LOC400499: variants seen among roughly 807,000 people sequenced by gnomAD.
chr16:11,383,838 G>A, the LOC400499 span: 2 of 1,232,154 alleles, frequency 1.6e-6, no homozygotes, highest in Non-Finnish European at 2.0e-6. Context: ...ACCTAAGCTT[G>A]ATGAGACAAA....
the LOC400499 span, chr16:11,462,362 C>A: frequency 7.1e-6 from 10 of 1,410,098 alleles, 1 homozygote; most frequent in Middle Eastern, 7.7e-4. Flanking sequence ...CCAGCCCTTA[C>A]CACACGAACT....
chr16:11,401,100 G>T, the LOC400499 span, among the ~76,000 whole-genome samples: 1 of 152,242 alleles, frequency 6.6e-6, no homozygotes. Flanking sequence ...ATTGAATGAA[G>T]GATCCCAGAG....
chr16:11,505,978 A>G, the LOC400499 span, among the ~76,000 whole-genome samples: 16 of 152,224 alleles, frequency 1.1e-4, no homozygotes, highest in African/African-American at 3.9e-4. Context: ...GATTTCTTCT[A>G]CTGAAGTGTA....
chr16:11,411,399 G>A, the LOC400499 span: 5 of 398,986 alleles, frequency 1.3e-5, no homozygotes, highest in Admixed American at 8.8e-5. Flanking sequence ...GGGCCATGTC[G>A]AGACCAAGGG....
At chr16:11,460,669 C>A in the LOC400499 span, 3 of 1,472,130 alleles carry the variant, frequency 2.0e-6, no homozygotes, top group East Asian at 2.5e-5. Context: ...TCCACCAGGG[C>A]TCCAAGAGAA....
At chr16:11,396,156 C>G in the LOC400499 span, among the ~76,000 whole-genome samples, 4 of 152,210 alleles carry the variant, frequency 2.6e-5, no homozygotes, top group Admixed American at 6.5e-5. Context: ...GAGATAGGGC[C>G]AGTACAATTA....
the LOC400499 span, among the ~76,000 whole-genome samples, chr16:11,468,762 G>A: frequency 4.5e-4 from 68 of 152,144 alleles, no homozygotes; most frequent in African/African-American, 1.5e-3. Context: ...CAGGTAGCTC[G>A]GATTACAGGC....
At chr16:11,507,715 T>A in the LOC400499 span, among the ~76,000 whole-genome samples, 1 of 152,214 alleles carries the variant, frequency 6.6e-6, no homozygotes, top group Non-Finnish European at 1.5e-5. Context: ...GAGGACTGTT[T>A]GTGTCCAGAA....
chr16:11,499,031 T>G, the LOC400499 span, among the ~76,000 whole-genome samples: 3 of 108,126 alleles, frequency 2.8e-5, no homozygotes, highest in Admixed American at 3.3e-4. Flanking sequence ...ATCGAACATA[T>G]GTACAAATAA....
At chr16:11,381,785 C>T in the LOC400499 span, among the ~76,000 whole-genome samples, 3 of 152,194 alleles carry the variant, frequency 2.0e-5, no homozygotes, top group Admixed American at 1.3e-4. Context: ...GATCAGTTAT[C>T]AACATGTTCT....
At chr16:11,463,408 G>T in the LOC400499 span, among the ~76,000 whole-genome samples, 10 of 149,742 alleles carry the variant, frequency 6.7e-5, no homozygotes, top group African/African-American at 2.4e-4. Context: ...GTGTGTGGAT[G>T]TGTGTACAGA....
chr16:11,449,716 G>C, the LOC400499 span, among the ~76,000 whole-genome samples: 1 of 152,234 alleles, frequency 6.6e-6, no homozygotes, highest in Non-Finnish European at 1.5e-5. Context: ...CCATGTCACT[G>C]ATCCTTGGTT....
the LOC400499 span, among the ~76,000 whole-genome samples, chr16:11,461,588 G>A: frequency 4.1e-4 from 63 of 152,310 alleles, no homozygotes; most frequent in Non-Finnish European, 7.6e-4. Context: ...GCCCATCATG[G>A]GTTGTTGGGT....
the LOC400499 span, among the ~76,000 whole-genome samples, chr16:11,514,002 C>T: frequency 1.3e-5 from 2 of 152,134 alleles, no homozygotes; most frequent in East Asian, 3.8e-4. Flanking sequence ...CCAGGGAATG[C>T]TATGTGTTAG....
At chr16:11,412,862 C>G in the LOC400499 span, 1 of 399,032 alleles carries the variant, frequency 2.5e-6, no homozygotes, top group African/African-American at 2.1e-5. Context: ...GTTCTGGCCA[C>G]GGACGTCAAG....
At chr16:11,450,641 G>A in the LOC400499 span, 1 of 1,536,100 alleles carries the variant, frequency 6.5e-7, no homozygotes, top group Non-Finnish European at 8.7e-7. Flanking sequence ...GTGTAAACCT[G>A]GATCTTGCCT....
the LOC400499 span, among the ~76,000 whole-genome samples, chr16:11,456,687 C>A: frequency 2.0e-5 from 3 of 151,830 alleles, no homozygotes; most frequent in African/African-American, 7.3e-5. Flanking sequence ...CTTGGCCTCC[C>A]ACAGTGCTGG....
At chr16:11,383,734 G>A in the LOC400499 span, 1 of 1,232,464 alleles carries the variant, frequency 8.1e-7, no homozygotes, top group Non-Finnish European at 1.0e-6. Flanking sequence ...GAGCTCCTGG[G>A]TGCCACAGGG....
the LOC400499 span, chr16:11,404,836 G>A: frequency 2.5e-6 from 1 of 399,008 alleles, no homozygotes. Flanking sequence ...TATGCGGTCT[G>A]CAGGAACAGC....
Sources: allele counts gnomAD v4.1 joint callset (sites outside exome capture counted in the v4.1 genomes callset), GRCh38; gene constraint gnomAD v4.1.1; transcripts MANE v1.5.